Variants in DENND1A observed in about 807,000 individuals in gnomAD.
DENND1A encodes the protein DENN domain-containing protein 1A.
In DENND1A, 51 loss-of-function variants were observed where a neutral mutation model predicts 113.7. The observed-to-expected ratio is 0.45, with a 90% CI of 0.36 to 0.57. The LOEUF (loss-of-function observed/expected upper bound fraction) is 0.57, where lower values mean the gene tolerates loss of function less well. DENND1A is among the 20% of genes least tolerant of loss of function. DENND1A has a pLI of 0.00. For synonymous variants in DENND1A, 565 were observed against 570.8 expected, an observed-to-expected ratio of 0.99 and a Z score of 0.14; for missense variants, 1,258 against 1,395.9, an observed-to-expected ratio of 0.90 and a Z score of 1.57.
At chr9:123,744,085 A>C (rs931801128) in intron 5 of DENND1A, among the ~76,000 whole-genome samples, 1 of 152,232 alleles carries the variant, frequency 6.6e-6, no homozygotes, top group East Asian at 1.9e-4. Context: ...AAAATATGTA[A>C]ATTATTGTGC....
chr9:123,527,122 T>C (rs1305951320), intron 13 of DENND1A, among the ~76,000 whole-genome samples: 1 of 152,184 alleles, frequency 6.6e-6, no homozygotes, highest in Non-Finnish European at 1.5e-5. Context: ...ACTCAAATCC[T>C]AAGCCCTGTG....
intron 8 of DENND1A, among the ~76,000 whole-genome samples, chr9:123,664,414 T>TGAAATTTTGAAAAAA (rs775401194): frequency 5.5e-4 from 84 of 152,206 alleles, no homozygotes; most frequent in Non-Finnish European, 8.7e-4. Flanking sequence ...ATTCAGTTTT[T>TGAAATTTTGAAAAAA]AAAAACTACT....
chr9:123,726,037 C>A (rs756218181), intron 5 of DENND1A, among the ~76,000 whole-genome samples: 12 of 152,180 alleles, frequency 7.9e-5, no homozygotes, highest in Non-Finnish European at 1.6e-4. Context: ...TGAATGCAGA[C>A]CTTAAATATC....
At chr9:123,894,927 G>A (rs1850485942) in intron 1 of DENND1A, among the ~76,000 whole-genome samples, 1 of 152,216 alleles carries the variant, frequency 6.6e-6, no homozygotes, top group African/African-American at 2.4e-5. Flanking sequence ...GCTAGGTGGA[G>A]AGGAGTGGGG....
At chr9:123,928,688 C>A (rs1043073783) in intron 1 of DENND1A, 2 of 985,306 alleles carry the variant, frequency 2.0e-6, no homozygotes, top group African/African-American at 3.5e-5. Flanking sequence ...CCTAACCACA[C>A]GGGGGACTGC....
intron 2 of DENND1A, among the ~76,000 whole-genome samples, chr9:123,820,980 T>C (rs1838366660): frequency 6.6e-6 from 1 of 152,220 alleles, no homozygotes; most frequent in Non-Finnish European, 1.5e-5. Flanking sequence ...TGAAGAAGCA[T>C]ACCATTGAAA....
chr9:123,700,130 T>C (rs2140620717), intron 5 of DENND1A, among the ~76,000 whole-genome samples: 1 of 152,372 alleles, frequency 6.6e-6, no homozygotes, highest in African/African-American at 2.4e-5. Flanking sequence ...AATACCACAA[T>C]GTCTCAATTA....
intron 7 of DENND1A, among the ~76,000 whole-genome samples, chr9:123,667,430 C>A (rs908087388): frequency 1.7e-4 from 26 of 152,106 alleles, no homozygotes; most frequent in Non-Finnish European, 3.1e-4. Flanking sequence ...GCCTGGCCAA[C>A]ATGGTGAAAC....
chr9:123,480,840 T>C (rs2050276098), intron 13 of DENND1A, among the ~76,000 whole-genome samples: 1 of 152,026 alleles, frequency 6.6e-6, no homozygotes, highest in Admixed American at 6.6e-5. Context: ...TGTATGGGAG[T>C]GAGTCCCATG....
chr9:123,903,331 C>CAAAAAAAAAA (rs869154918), intron 1 of DENND1A, among the ~76,000 whole-genome samples: 4 of 27,018 alleles, frequency 1.5e-4, no homozygotes, highest in African/African-American at 4.6e-4. Context: ...GACTCCGTCT[C>CAAAAAAAAAA]AAAAAAAAAA....
intron 13 of DENND1A, among the ~76,000 whole-genome samples, chr9:123,539,977 G>C (rs187319760): frequency 6.6e-6 from 1 of 152,124 alleles, no homozygotes; most frequent in East Asian, 1.9e-4. Flanking sequence ...AGGTATAGCG[G>C]TACCTACCTA....
At chr9:123,501,120 C>T (rs2052442405) in intron 13 of DENND1A, among the ~76,000 whole-genome samples, 1 of 152,154 alleles carries the variant, frequency 6.6e-6, no homozygotes, top group South Asian at 2.1e-4. Context: ...CCTCCCAGCA[C>T]CTGGCAACCA....
chr9:123,652,828 C>A (rs1564889556), intron 8 of DENND1A, among the ~76,000 whole-genome samples: 2 of 152,116 alleles, frequency 1.3e-5, no homozygotes, highest in Admixed American at 1.3e-4. Context: ...TTTTAACTAG[C>A]TTTTTTCCAC....
At chr9:123,789,886 C>T (rs180696239) in intron 3 of DENND1A, among the ~76,000 whole-genome samples, 329 of 152,118 alleles carry the variant, frequency 2.2e-3, no homozygotes, top group Non-Finnish European at 3.7e-3. Flanking sequence ...CAGCAGCAAG[C>T]GTCTCTGATC....
chr9:123,562,883 T>A (rs1017419009), intron 12 of DENND1A, among the ~76,000 whole-genome samples: 1 of 152,120 alleles, frequency 6.6e-6, no homozygotes, highest in Non-Finnish European at 1.5e-5. Flanking sequence ...ATGGACTGAG[T>A]TCCCCGCAGG....
intron 1 of DENND1A, among the ~76,000 whole-genome samples, chr9:123,924,660 A>AG (rs1856794052): frequency 6.6e-6 from 1 of 152,146 alleles, no homozygotes; most frequent in Admixed American, 6.5e-5. Flanking sequence ...AAAAAAAAAA[A>AG]AAAGTAAATA....
At chr9:123,508,462 C>A (rs937873278) in intron 13 of DENND1A, among the ~76,000 whole-genome samples, 1 of 152,344 alleles carries the variant, frequency 6.6e-6, no homozygotes, top group Admixed American at 6.5e-5. Flanking sequence ...ATAAAATGAG[C>A]TGTTTCTGCA....
intron 13 of DENND1A, among the ~76,000 whole-genome samples, chr9:123,541,137 C>T (rs2056258310): frequency 1.3e-5 from 2 of 152,312 alleles, no homozygotes; most frequent in African/African-American, 4.8e-5. Context: ...TTCACTGCTG[C>T]AATTCCAAGC....
chr9:123,794,965 C>T (rs1196916946), intron 2 of DENND1A, among the ~76,000 whole-genome samples: 2 of 152,144 alleles, frequency 1.3e-5, no homozygotes, highest in African/African-American at 4.8e-5. Context: ...AATTAGATTC[C>T]TTCAATTGTC....
Sources: gnomAD v4.1 joint callset for allele counts (sites outside exome capture counted in the v4.1 genomes callset) on GRCh38, gnomAD v4.1.1 for gene constraint, MANE v1.5 for transcripts, NCBI Gene and HGNC (gene_info 2026-07-23, HGNC 2026-07-21) for gene names.